PRR16: variants seen among roughly 807,000 people sequenced by gnomAD.
PRR16 encodes the protein proline rich 16.
A neutral mutation model predicts 18.2 loss-of-function variants in PRR16; 6 were observed. The observed-to-expected ratio is 0.33, with a 90% confidence interval of 0.18 to 0.65. The LOEUF is 0.65. PRR16 is among the 30% of genes least tolerant of loss of function. The probability of loss-of-function intolerance (pLI) is 0.74; values close to 1 mark genes in which losing one functional copy is unlikely to be tolerated. For missense variants in PRR16, 412 were observed against 376.6 expected (o/e 1.09, Z -0.78); for synonymous variants, 151 against 147.8 (o/e 1.02, Z -0.16).
At chr5:120,621,237 A>AT (rs958023989) in intron 1 of PRR16, among the ~76,000 whole-genome samples, 1 of 151,912 alleles carries the variant, frequency 6.6e-6, no homozygotes, top group Admixed American at 6.6e-5. Context: ...AATAAGGGGG[A>AT]TTTTTTTGAA....
the PRR16 span, among the ~76,000 whole-genome samples, chr5:120,715,596 C>G: frequency 6.6e-6 from 1 of 152,172 alleles, no homozygotes; most frequent in Non-Finnish European, 1.5e-5. Flanking sequence ...TTCTGAATTT[C>G]ATTTCATAAT....
chr5:120,791,651 T>C, the PRR16 span, among the ~76,000 whole-genome samples: 1 of 149,430 alleles, frequency 6.7e-6, no homozygotes, highest in Non-Finnish European at 1.5e-5. Context: ...TCTATCTATC[T>C]ATCTATCATC....
chr5:120,714,568 A>G, the PRR16 span, among the ~76,000 whole-genome samples: 213 of 135,660 alleles, frequency 1.6e-3, 1 homozygote, highest in Middle Eastern at 3.9e-3. Flanking sequence ...ACCATTGTAG[A>G]AGACAGTATG....
the PRR16 span, among the ~76,000 whole-genome samples, chr5:120,788,090 G>A: frequency 6.6e-6 from 1 of 151,662 alleles, no homozygotes; most frequent in Non-Finnish European, 1.5e-5. Flanking sequence ...CAATTCAAAT[G>A]CCACCTTTTG....
intron 1 of PRR16, among the ~76,000 whole-genome samples, chr5:120,621,238 T>A (rs1009812176): frequency 6.6e-6 from 1 of 152,086 alleles, no homozygotes; most frequent in Non-Finnish European, 1.5e-5. Flanking sequence ...ATAAGGGGGA[T>A]TTTTTTGAAA....
intron 1 of PRR16, among the ~76,000 whole-genome samples, chr5:120,592,212 C>T (rs781556350): frequency 6.6e-6 from 1 of 152,146 alleles, no homozygotes; most frequent in Non-Finnish European, 1.5e-5. Flanking sequence ...AGTCTGCATG[C>T]TGCTTCCAAA....
the PRR16 span, among the ~76,000 whole-genome samples, chr5:120,719,628 T>G: frequency 5.7e-4 from 86 of 152,130 alleles, 3 homozygotes; most frequent in South Asian, 0.017. Flanking sequence ...AGAAGCCAGT[T>G]GTCTGATGAA....
chr5:120,501,955 C>CAAAAAAAAAAAA (rs548770948), intron 1 of PRR16, among the ~76,000 whole-genome samples: 2 of 44,078 alleles, frequency 4.5e-5, no homozygotes, highest in Non-Finnish European at 8.9e-5. Context: ...TACTCCGTCT[C>CAAAAAAAAAAAA]AAAAAAAAAA....
At chr5:120,708,628 G>A in the PRR16 span, among the ~76,000 whole-genome samples, 1 of 152,254 alleles carries the variant, frequency 6.6e-6, no homozygotes, top group Non-Finnish European at 1.5e-5. Flanking sequence ...TGAAGTAAGT[G>A]TACAAAGCGA....
At chr5:120,488,679 G>A (rs1156432136) in intron 1 of PRR16, among the ~76,000 whole-genome samples, 1 of 151,892 alleles carries the variant, frequency 6.6e-6, no homozygotes, top group Non-Finnish European at 1.5e-5. Flanking sequence ...GTTATTTCTT[G>A]CCTTCTGCTA....
the PRR16 span, among the ~76,000 whole-genome samples, chr5:120,794,563 A>G: frequency 6.6e-6 from 1 of 152,136 alleles, no homozygotes; most frequent in East Asian, 1.9e-4. Context: ...GAACTTAATC[A>G]ATAAATGTGT....
the PRR16 span, among the ~76,000 whole-genome samples, chr5:120,786,986 T>TTGG: frequency 6.6e-6 from 1 of 152,136 alleles, no homozygotes; most frequent in South Asian, 2.1e-4. Context: ...GTAAAACTTA[T>TTGG]ATGGTTTTAA....
chr5:120,467,110 A>C (rs973428794), intron 1 of PRR16, among the ~76,000 whole-genome samples: 2 of 152,206 alleles, frequency 1.3e-5, no homozygotes, highest in African/African-American at 4.8e-5. Context: ...TCTTTGGTAT[A>C]GTTTTGGATA....
At chr5:120,653,443 TAA>T (rs1415476959) in intron 1 of PRR16, among the ~76,000 whole-genome samples, 7 of 152,052 alleles carry the variant, frequency 4.6e-5, no homozygotes, top group African/African-American at 1.7e-4. Context: ...AGTATAATAA[TAA>T]GTGTTATATT....
At chr5:120,519,965 C>T (rs536971647) in intron 1 of PRR16, among the ~76,000 whole-genome samples, 56 of 151,980 alleles carry the variant, frequency 3.7e-4, no homozygotes, top group Non-Finnish European at 7.4e-4. Context: ...TTGATACATC[C>T]ATACACTCAT....
intron 1 of PRR16, among the ~76,000 whole-genome samples, chr5:120,485,069 G>A (rs1272920849): frequency 6.6e-6 from 1 of 151,922 alleles, no homozygotes; most frequent in African/African-American, 2.4e-5. Flanking sequence ...TAGTGTAGCT[G>A]ATTATCTGAT....
rs1580768204 is a variant in PRR16 at position 120,596,448 on chromosome 5, T to C, written c.160-89506T>C. ...CTTACCATTGAAACTTCTATGTATTTGGGGCCATTTAATTACTTTCGTTTT... is the reference window on the plus strand; with the variant it reads ...CTTACCATTGAAACTTCTATGTATTCGGGGCCATTTAATTACTTTCGTTTT... On this transcript the variant is annotated intron_variant, in intron 1 of 1. Transcript: ENST00000407149. Among the ~76,000 whole-genome samples, 4 of 151,934 alleles carry C rather than the reference T, an allele frequency of 2.6e-5. No individual in the cohort carries two copies. In the Middle Eastern group the frequency reaches 0.01, roughly 388 times the overall value.
At chr5:120,700,315 C>G in the PRR16 span, among the ~76,000 whole-genome samples, 41 of 152,084 alleles carry the variant, frequency 2.7e-4, no homozygotes, top group African/African-American at 9.2e-4. Flanking sequence ...CTTTTTAAAG[C>G]GTGCTGCGGG....
the PRR16 span, among the ~76,000 whole-genome samples, chr5:120,699,059 T>C: frequency 9.2e-5 from 14 of 151,820 alleles, no homozygotes; most frequent in Non-Finnish European, 2.1e-4. Context: ...GACTAAGAGG[T>C]ATTTTAGTTC....
Sources: allele counts gnomAD v4.1 joint callset (sites outside exome capture counted in the v4.1 genomes callset), GRCh38; gene constraint gnomAD v4.1.1; transcripts MANE v1.5; gene names NCBI Gene and HGNC (gene_info 2026-07-23, HGNC 2026-07-21).